Variants in AGBL4 observed in about 807,000 individuals in gnomAD.
The protein encoded by AGBL4 is cytosolic carboxypeptidase 6.
Under a neutral mutation model 66.4 loss-of-function variants are expected in AGBL4, and 58 were observed. The ratio of observed to expected loss-of-function variants is 0.87; its 90% CI spans 0.71 to 1.09. The LOEUF is 1.09. Ranked by LOEUF, AGBL4 falls within the 50% of genes least tolerant of loss-of-function variation. AGBL4 has a pLI of 0.00. For synonymous variants in AGBL4, 234 were observed against 222.9 expected, an observed-to-expected ratio of 1.05 and a Z score of -0.44; for missense variants, 579 against 631.0, an observed-to-expected ratio of 0.92 and a Z score of 0.88.
At chr1:49,724,659 T>C (rs1222963563) in intron 2 of AGBL4, among the ~76,000 whole-genome samples, 2 of 152,136 alleles carry the variant, frequency 1.3e-5, no homozygotes, top group Non-Finnish European at 2.9e-5. Flanking sequence ...AATTTGTCTG[T>C]ACTTGGAGAT....
At chr1:48,679,384 T>G (rs1391735487) in intron 6 of AGBL4, among the ~76,000 whole-genome samples, 1 of 152,180 alleles carries the variant, frequency 6.6e-6, no homozygotes, top group Non-Finnish European at 1.5e-5. Context: ...GAGCTGTTAC[T>G]GGGGTGTCAG....
At chr1:49,588,308 A>G (rs1395114162) in intron 3 of AGBL4, among the ~76,000 whole-genome samples, 1 of 152,170 alleles carries the variant, frequency 6.6e-6, no homozygotes, top group Non-Finnish European at 1.5e-5. Context: ...ACTGCAGTGT[A>G]CCTATTTGTG....
intron 5 of AGBL4, among the ~76,000 whole-genome samples, chr1:48,886,910 T>C (rs1650415227): frequency 6.6e-6 from 1 of 152,148 alleles, no homozygotes. Flanking sequence ...CATTCCCTGA[T>C]TCCCAAGACA....
chr1:49,530,339 G>A (rs903348429), intron 3 of AGBL4, among the ~76,000 whole-genome samples: 3 of 146,734 alleles, frequency 2.0e-5, no homozygotes, highest in Admixed American at 6.9e-5. Flanking sequence ...TGTGCACAAC[G>A]TGCAGGTTTG....
intron 5 of AGBL4, among the ~76,000 whole-genome samples, chr1:48,977,594 T>G (rs1225361317): frequency 1.3e-5 from 2 of 152,088 alleles, no homozygotes; most frequent in African/African-American, 2.4e-5. Context: ...TGGGGTCTGC[T>G]TGATTAGGAG....
chr1:48,557,433 C>T (rs1023647581), intron 11 of AGBL4, among the ~76,000 whole-genome samples: 4 of 152,064 alleles, frequency 2.6e-5, no homozygotes, highest in African/African-American at 9.7e-5. Flanking sequence ...GTAAAGTGAC[C>T]TGGCTCTTCC....
chr1:49,683,534 A>G (rs2124568621), intron 3 of AGBL4, among the ~76,000 whole-genome samples: 1 of 152,312 alleles, frequency 6.6e-6, no homozygotes, highest in South Asian at 2.1e-4. Flanking sequence ...CTAAAAATCC[A>G]TCAGGGAAAG....
At chr1:49,919,606 A>G (rs1246183258) in intron 1 of AGBL4, among the ~76,000 whole-genome samples, 5 of 152,144 alleles carry the variant, frequency 3.3e-5, no homozygotes, top group Admixed American at 6.5e-5. Flanking sequence ...AACAAATGGA[A>G]GAACATTCCA....
intron 3 of AGBL4, among the ~76,000 whole-genome samples, chr1:49,696,328 T>C (rs986078461): frequency 6.6e-6 from 1 of 151,978 alleles, no homozygotes; most frequent in Non-Finnish European, 1.5e-5. Flanking sequence ...CTGTCTCTCA[T>C]GAAAAATAGG....
intron 3 of AGBL4, among the ~76,000 whole-genome samples, chr1:49,505,046 T>A (rs1456778117): frequency 6.6e-6 from 1 of 151,988 alleles, no homozygotes; most frequent in Non-Finnish European, 1.5e-5. Context: ...ACTATGAGGC[T>A]TACATAAAAT....
chr1:48,858,465 G>A (rs1325743576), intron 6 of AGBL4, among the ~76,000 whole-genome samples: 1 of 152,158 alleles, frequency 6.6e-6, no homozygotes, highest in Non-Finnish European at 1.5e-5. Context: ...ATAAATTGTG[G>A]TGTATCTAAT....
intron 4 of AGBL4, among the ~76,000 whole-genome samples, chr1:49,120,361 G>A (rs1045330283): frequency 6.6e-6 from 1 of 152,080 alleles, no homozygotes; most frequent in Non-Finnish European, 1.5e-5. Context: ...CTCTTGTAAG[G>A]CAGGCCTGTT....
intron 1 of AGBL4, among the ~76,000 whole-genome samples, chr1:49,897,373 A>G (rs1350040633): frequency 3.3e-5 from 5 of 152,040 alleles, no homozygotes. Flanking sequence ...AAATAAAATT[A>G]TATACGTCAG....
chr1:49,157,547 T>C (rs564109728), intron 4 of AGBL4, among the ~76,000 whole-genome samples: 2 of 152,232 alleles, frequency 1.3e-5, no homozygotes, highest in South Asian at 4.1e-4. Flanking sequence ...AACATACGAG[T>C]GCATGTGTCT....
intron 1 of AGBL4, among the ~76,000 whole-genome samples, chr1:49,907,671 G>A (rs986864926): frequency 2.6e-5 from 4 of 152,148 alleles, no homozygotes; most frequent in African/African-American, 4.8e-5. Context: ...TTGAGAGACA[G>A]AGATAAATAC....
At chr1:48,692,441 C>T (rs561131327) in intron 6 of AGBL4, among the ~76,000 whole-genome samples, 24 of 152,146 alleles carry the variant, frequency 1.6e-4, no homozygotes, top group Non-Finnish European at 3.1e-4. Flanking sequence ...GCCTGTCTGT[C>T]GAGTCACCCA....
At chr1:49,364,707 G>T (rs1457413355) in intron 3 of AGBL4, among the ~76,000 whole-genome samples, 1 of 152,068 alleles carries the variant, frequency 6.6e-6, no homozygotes, top group Non-Finnish European at 1.5e-5. Flanking sequence ...TGAACTCCTG[G>T]CCTCAAGTGA....
chr1:49,115,398 T>G (rs1645497814), intron 4 of AGBL4, among the ~76,000 whole-genome samples: 1 of 152,318 alleles, frequency 6.6e-6, no homozygotes, highest in African/African-American at 2.4e-5. Context: ...ACTACTGTAA[T>G]ATCACAGTGG....
rs138790203 is a variant in AGBL4, at chr1:48,871,096, G to T, written c.595-3866C>A. On this transcript the variant is annotated intron_variant, in intron 5 of 13. Coordinates refer to ENST00000371839, the MANE Select transcript of AGBL4 (RefSeq NM_032785.4). ...GTAAAAATAGAGCACATGGTTTATA[G>T]AATTTGACCAATAATGTACAATCAG... Among the ~76,000 whole-genome samples the T allele has an allele frequency of 2.6e-3, 390 of 152,252 alleles. 7 individuals are homozygous for T. The highest frequency in any genetic ancestry group is 0.022 in the Admixed American group (335 of 15,282).
Sources: gnomAD v4.1 joint callset for allele counts (sites outside exome capture counted in the v4.1 genomes callset) on GRCh38, gnomAD v4.1.1 for gene constraint, MANE v1.5 for transcripts, NCBI Gene and HGNC (gene_info 2026-07-23, HGNC 2026-07-21) for gene names.